The following EFR3B variants were observed in gnomAD, a reference collection of about 807,000 sequenced individuals.
EFR3B encodes protein EFR3 homolog B.
In EFR3B, 64 loss-of-function variants were observed where a neutral mutation model predicts 104.7. The observed-to-expected ratio is 0.61, with a 90% CI of 0.50 to 0.75. EFR3B has a LOEUF of 0.75. Among genes scored for constraint, EFR3B ranks in the 30% least tolerant of loss-of-function variants. The probability of loss-of-function intolerance (pLI) is 0.00; values close to 1 mark genes in which losing one functional copy is unlikely to be tolerated. For synonymous variants in EFR3B, 385 were observed against 417.9 expected (o/e 0.92, Z 0.96); for missense variants, 750 against 1,078.5 (o/e 0.70, Z 4.27).
chr2:25,080,461 A>G (rs1476192826), intron 1 of EFR3B, among the ~76,000 whole-genome samples: 1 of 151,226 alleles, frequency 6.6e-6, no homozygotes, highest in Middle Eastern at 3.2e-3. Flanking sequence ...CACCTGGCTA[A>G]TTTTTGTATT....
Position 25,069,297 on chromosome 2 carries a change from C to CATCG in EFR3B, c.8-22027_8-22024dup, listed in dbSNP as rs1668426252. Among the ~76,000 whole-genome samples, 3 of 152,280 alleles carry CATCG rather than the reference C, an allele frequency of 2.0e-5. No individual in the cohort carries two copies. In the South Asian group the frequency reaches 6.2e-4, roughly 32 times the overall value. ...GGTCAATTAAAGCGAGATGAGAAGC[C>CATCG]ATCGCTTGTCTCTGGTGGCCACGAT... is the stretch of plus-strand genomic sequence containing the variant. On this transcript the variant is annotated intron_variant, in intron 1 of 22. Coordinates refer to ENST00000403714, the MANE Select transcript of EFR3B (RefSeq NM_014971.2).
intron 1 of EFR3B, among the ~76,000 whole-genome samples, chr2:25,072,095 T>C (rs1017441088): frequency 2.0e-5 from 3 of 152,202 alleles, no homozygotes; most frequent in Admixed American, 2.0e-4. Flanking sequence ...CAGTTTGCAT[T>C]GCCAGTGTGG....
At chr2:25,153,031 T>G (rs1389303946) in intron 21 of EFR3B, among the ~76,000 whole-genome samples, 1 of 152,098 alleles carries the variant, frequency 6.6e-6, no homozygotes, top group East Asian at 1.9e-4. Flanking sequence ...GCCACCAGTT[T>G]TGCACAGCTG....
At chr2:25,134,180 T>A (rs866459783) in intron 12 of EFR3B, among the ~76,000 whole-genome samples, 1,689 of 147,862 alleles carry the variant, frequency 0.011, 23 homozygotes, top group African/African-American at 0.032. Flanking sequence ...AGTTTATATT[T>A]TTTTTTTTTT....
At chr2:25,045,857 C>T (rs568670253) in intron 1 of EFR3B, among the ~76,000 whole-genome samples, 1 of 152,096 alleles carries the variant, frequency 6.6e-6, no homozygotes, top group Non-Finnish European at 1.5e-5. Flanking sequence ...CGTTTCCCCG[C>T]TGAGGTGAAA....
In EFR3B at chr2:25,046,915, G is replaced by C. The variant is rs75731421; in HGVS notation, c.7+4596G>C. On this transcript the variant is annotated intron_variant, in intron 1 of 22. Coordinates refer to ENST00000403714, the MANE Select transcript of EFR3B (RefSeq NM_014971.2). ...ACACATAAACCAGCCTCCTCCCCCA[G>C]ATCCTAAGGTTTCTGCAGCCCCATG... 1.7e-3 allele frequency among the ~76,000 whole-genome samples: 265 copies of C among 152,260 alleles called. 3 individuals are homozygous for C. The highest frequency in any genetic ancestry group is 6.1e-3 in the African/African-American group (254 of 41,560).
chr2:25,148,168 AT>A (rs1467607438), intron 19 of EFR3B, among the ~76,000 whole-genome samples: 1 of 148,552 alleles, frequency 6.7e-6, no homozygotes, highest in African/African-American at 2.5e-5. Context: ...GAGTTTTATT[AT>A]TTTCTACTTC....
At chr2:25,126,047 T>G (rs1256525456) in intron 5 of EFR3B, among the ~76,000 whole-genome samples, 1 of 152,272 alleles carries the variant, frequency 6.6e-6, no homozygotes, top group Non-Finnish European at 1.5e-5. Flanking sequence ...TGAGGATTTT[T>G]TGGAGTCATA....
rs1670318290 is a variant in EFR3B, at chr2:25,131,176, G to A, written c.850-192G>A. On this transcript the variant is annotated intron_variant, in intron 8 of 22. Coordinates refer to ENST00000403714, the MANE Select transcript of EFR3B (RefSeq NM_014971.2). The surrounding 1 kb of genome is among the most constrained non-coding windows in gnomAD (Gnocchi z 7.6). ...AAACTGTCAGCTGAGGCCTCCACTGGGATTTGGCTCTTTGTTGGAGGGAGA... is the reference window on the plus strand; with the variant it reads ...AAACTGTCAGCTGAGGCCTCCACTGAGATTTGGCTCTTTGTTGGAGGGAGA... Among the ~76,000 whole-genome samples the A allele has an allele frequency of 6.6e-6, 1 of 152,234 alleles. No individual in the cohort carries two copies. The highest frequency in any genetic ancestry group is 2.4e-5 in the African/African-American group (1 of 41,462).
At chr2:25,094,956 A>AT (rs1669236887) in intron 3 of EFR3B, among the ~76,000 whole-genome samples, 1 of 151,744 alleles carries the variant, frequency 6.6e-6, no homozygotes, top group African/African-American at 2.4e-5. Context: ...TGCCTGGCTT[A>AT]TTTTTTGTAT....
intron 20 of EFR3B, among the ~76,000 whole-genome samples, chr2:25,150,834 C>G (rs895826599): frequency 6.6e-6 from 1 of 152,188 alleles, no homozygotes; most frequent in Non-Finnish European, 1.5e-5. Context: ...TGGTCTCGAA[C>G]TCCTGACCTT....
At chr2:25,048,061 G>T in intron 1 of EFR3B, among the ~76,000 whole-genome samples, 1 of 152,266 alleles carries the variant, frequency 6.6e-6, no homozygotes, top group African/African-American at 2.4e-5. Context: ...TCTCCCCCAG[G>T]CTGGAGTGCA....
intron 1 of EFR3B, among the ~76,000 whole-genome samples, chr2:25,053,686 C>T (rs113411679): frequency 0.12 from 18,890 of 152,136 alleles, 2,651 homozygotes; most frequent in African/African-American, 0.35. Context: ...GGGCGGATCA[C>T]GAGGTCAAGA....
At chr2:25,142,870 T>C (rs1314996763) in intron 17 of EFR3B, among the ~76,000 whole-genome samples, 1 of 148,478 alleles carries the variant, frequency 6.7e-6, no homozygotes, top group Admixed American at 6.8e-5. Flanking sequence ...AGGTCAAGGC[T>C]GTAGTGTGCT....
intron 1 of EFR3B, among the ~76,000 whole-genome samples, chr2:25,083,566 T>G (rs1287907647): frequency 1.3e-5 from 2 of 152,128 alleles, no homozygotes; most frequent in African/African-American, 4.8e-5. Context: ...CTAGGGGTGC[T>G]TGTGGGTTCC....
At chr2:25,070,758 A>G (rs921124856) in intron 1 of EFR3B, among the ~76,000 whole-genome samples, 1 of 152,162 alleles carries the variant, frequency 6.6e-6, no homozygotes, top group Non-Finnish European at 1.5e-5. Context: ...GCGGGGTGGC[A>G]GTGGGAAGAG....
chr2:25,059,580 G>GGC (rs1553385061), intron 1 of EFR3B, among the ~76,000 whole-genome samples: 2 of 145,638 alleles, frequency 1.4e-5, no homozygotes, highest in Admixed American at 1.4e-4. Context: ...TGCGGGGGGG[G>GGC]GGGGGGTGGA....
rs538223571 is a variant in EFR3B at position 25,130,189 on chromosome 2, G to C, written c.770+80G>C. The stretch of plus-strand genomic sequence containing the variant: ...GGTCCCTGGCATCTCCTGGCTGGCT[G>C]GGGGGAAGGGGATATTACAGTTGTG... On this transcript the variant is annotated intron_variant, in intron 7 of 22. Coordinates refer to ENST00000403714, the MANE Select transcript of EFR3B (RefSeq NM_014971.2). The surrounding 1 kb of genome is among the most constrained non-coding windows in gnomAD (Gnocchi z 4.6). The C allele has an allele frequency of 1.3e-6, 2 of 1,533,590 alleles. No homozygotes were observed. Among genetic ancestry groups the C allele is most frequent in the South Asian group, 1.2e-5 (1 of 82,688 alleles). 95.0% of individuals were successfully genotyped at this position (1,533,590 alleles called of 1,614,324 possible).
At chr2:25,078,303 T>C (rs1291738637) in intron 1 of EFR3B, among the ~76,000 whole-genome samples, 1 of 152,222 alleles carries the variant, frequency 6.6e-6, no homozygotes, top group Non-Finnish European at 1.5e-5. Flanking sequence ...TTGAAGCGGG[T>C]GTCCATGCCA....
Sources: allele counts gnomAD v4.1 joint callset (sites outside exome capture counted in the v4.1 genomes callset), GRCh38; gene constraint gnomAD v4.1.1; non-coding constraint Gnocchi (gnomAD v3.1); transcripts MANE v1.5; gene names NCBI Gene and HGNC (gene_info 2026-07-23, HGNC 2026-07-21).